MAGI2: variants seen among roughly 807,000 people sequenced by gnomAD.
MAGI2 encodes membrane-associated guanylate kinase, WW and PDZ domain-containing protein 2.
MAGI2 carries 35 observed loss-of-function variants against 133.3 expected under a neutral mutation model. The ratio of observed to expected loss-of-function variants is 0.26; its 90% confidence interval spans 0.20 to 0.35. MAGI2 has a LOEUF of 0.35. Among genes scored for constraint, MAGI2 ranks in the 10% least tolerant of loss-of-function variants. The pLI is 1.00. For missense variants in MAGI2, 1,636 were observed against 1,863.4 expected (o/e 0.88, Z 2.25); for synonymous variants, 729 against 710.6 (o/e 1.03, Z -0.41).
intron 1 of MAGI2, among the ~76,000 whole-genome samples, chr7:79,202,292 TCA>T (rs1273512735): frequency 2.0e-5 from 3 of 151,628 alleles, no homozygotes; most frequent in Non-Finnish European, 4.4e-5. Context: ...TAAGGAAGAG[TCA>T]CACCCAATAT....
intron 6 of MAGI2, among the ~76,000 whole-genome samples, chr7:78,439,135 T>A (rs1369317973): frequency 6.6e-6 from 1 of 152,208 alleles, no homozygotes; most frequent in Non-Finnish European, 1.5e-5. Flanking sequence ...GGAAGCAGTT[T>A]GACCATTAGC....
intron 14 of MAGI2, among the ~76,000 whole-genome samples, chr7:78,173,277 C>T (rs920518001): frequency 6.6e-6 from 1 of 152,218 alleles, no homozygotes; most frequent in Admixed American, 6.5e-5. Flanking sequence ...AGCTTCATTT[C>T]GTACAGGACA....
At chr7:79,014,569 A>T (rs1262228423) in intron 1 of MAGI2, among the ~76,000 whole-genome samples, 1 of 152,142 alleles carries the variant, frequency 6.6e-6, no homozygotes, top group Non-Finnish European at 1.5e-5. Flanking sequence ...AATTCAGCAT[A>T]ATGAAAGGAA....
chr7:78,760,342 A>G (rs73135534), intron 2 of MAGI2, among the ~76,000 whole-genome samples: 5,292 of 150,790 alleles, frequency 0.035, 145 homozygotes, highest in Non-Finnish European at 0.05. Flanking sequence ...AGAGTCCTAC[A>G]ACTGGACTTT....
At chr7:79,023,262 A>G (rs1380138828) in intron 1 of MAGI2, among the ~76,000 whole-genome samples, 1 of 152,200 alleles carries the variant, frequency 6.6e-6, no homozygotes, top group East Asian at 1.9e-4. Flanking sequence ...AGATACAGAA[A>G]AGGCATTAAA....
At position 78,627,113 on chromosome 7, in the gene MAGI2, T is replaced by C; in HGVS notation, c.538+7A>G. Reference sequence around the variant, plus strand: ...CAAGAAAGATTTCTCAGGAACGTTGTGCTTACCTTCATAAGTCCCACTTTC... The same window carrying C: ...CAAGAAAGATTTCTCAGGAACGTTGCGCTTACCTTCATAAGTCCCACTTTC... On this transcript the variant is annotated splice_region_variant and intron_variant, in intron 3 of 21. Coordinates refer to ENST00000354212, the MANE Select transcript of MAGI2 (RefSeq NM_012301.4). 1 of 1,578,202 alleles carries C rather than the reference T, an allele frequency of 6.3e-7. No individual in the cohort carries two copies. Among genetic ancestry groups the C allele is most frequent in the Non-Finnish European group, 8.6e-7 (1 of 1,164,634 alleles).
chr7:78,136,826 G>T (rs1034645705), intron 16 of MAGI2, among the ~76,000 whole-genome samples: 1 of 152,188 alleles, frequency 6.6e-6, no homozygotes, highest in Non-Finnish European at 1.5e-5. Flanking sequence ...TAATAACCAT[G>T]GCAAGGAAGG....
chr7:78,724,491 G>A (rs992419126), intron 2 of MAGI2, among the ~76,000 whole-genome samples: 2 of 152,160 alleles, frequency 1.3e-5, no homozygotes, highest in Admixed American at 1.3e-4. Flanking sequence ...AGAAGGTGCA[G>A]GAAATTGATG....
rs1050684914 is a variant in MAGI2, at chr7:79,285,535, A to G, written c.301+167485T>C. ...TCAGAATCTGCCAGTGTATTGCTTT[A>G]GGCAACAAGTTTCTAACAGTGCCCC... is the stretch of plus-strand genomic sequence containing the variant. On this transcript the variant is annotated intron_variant, in intron 1 of 21. Transcript: ENST00000354212. 1.3e-4 allele frequency among the ~76,000 whole-genome samples: 20 copies of G among 152,260 alleles called. No individual in the cohort carries two copies. In the South Asian group the frequency reaches 2.1e-3, roughly 16 times the overall value.
At chr7:78,538,408 G>C (rs997327683) in intron 3 of MAGI2, among the ~76,000 whole-genome samples, 2 of 152,160 alleles carry the variant, frequency 1.3e-5, no homozygotes, top group African/African-American at 4.8e-5. Context: ...TGTATAGATT[G>C]CTTTTGGCAG....
intron 2 of MAGI2, among the ~76,000 whole-genome samples, chr7:78,868,133 T>C (rs1458676943): frequency 1.3e-5 from 2 of 151,942 alleles, no homozygotes; most frequent in East Asian, 3.9e-4. Flanking sequence ...ATGACGACAA[T>C]GGAAAGTAAA....
At chr7:78,758,832 A>G (rs1486819757) in intron 2 of MAGI2, among the ~76,000 whole-genome samples, 1 of 152,212 alleles carries the variant, frequency 6.6e-6, no homozygotes, top group East Asian at 1.9e-4. Flanking sequence ...AATCTTATGT[A>G]GGTTCCTCCA....
At chr7:78,401,744 T>C (rs1178458456) in intron 6 of MAGI2, among the ~76,000 whole-genome samples, 1 of 152,186 alleles carries the variant, frequency 6.6e-6, no homozygotes, top group Non-Finnish European at 1.5e-5. Context: ...TTTTAAATTT[T>C]ATAGAATTTA....
At chr7:78,609,969 T>A (rs2150907135) in intron 3 of MAGI2, among the ~76,000 whole-genome samples, 1 of 152,168 alleles carries the variant, frequency 6.6e-6, no homozygotes, top group East Asian at 1.9e-4. Flanking sequence ...GCAGCATTCC[T>A]CCCTCTGGAA....
chr7:78,849,051 T>C (rs1196120671), intron 2 of MAGI2, among the ~76,000 whole-genome samples: 1 of 152,100 alleles, frequency 6.6e-6, no homozygotes, highest in Non-Finnish European at 1.5e-5. Flanking sequence ...TTGCTTTTTA[T>C]GCAAATTCCA....
chr7:79,175,562 A>G (rs1826018655), intron 1 of MAGI2, among the ~76,000 whole-genome samples: 1 of 151,992 alleles, frequency 6.6e-6, no homozygotes, highest in African/African-American at 2.4e-5. Flanking sequence ...TGTGTCATTT[A>G]ATGACAAGGA....
chr7:78,659,281 T>C (rs1289068654), intron 2 of MAGI2, among the ~76,000 whole-genome samples: 6 of 151,836 alleles, frequency 4.0e-5, no homozygotes, highest in Non-Finnish European at 7.4e-5. Flanking sequence ...AAACCCCATC[T>C]CTATTAAAAA....
intron 2 of MAGI2, among the ~76,000 whole-genome samples, chr7:78,652,054 A>C (rs778682697): frequency 9.2e-5 from 14 of 152,298 alleles, no homozygotes; most frequent in Non-Finnish European, 1.8e-4. Context: ...CCTATGTTTT[A>C]TTTCAACAAA....
At chr7:78,648,745 T>C (rs1197427194) in intron 2 of MAGI2, among the ~76,000 whole-genome samples, 1 of 152,194 alleles carries the variant, frequency 6.6e-6, no homozygotes, top group Admixed American at 6.5e-5. Flanking sequence ...GTTTTTACAT[T>C]GCAAAGATAA....
Sources: allele counts gnomAD v4.1 joint callset (sites outside exome capture counted in the v4.1 genomes callset), GRCh38; gene constraint gnomAD v4.1.1; transcripts MANE v1.5; gene names NCBI Gene and HGNC (gene_info 2026-07-23, HGNC 2026-07-21).